Variants in MALRD1 observed in about 807,000 individuals in gnomAD.
The protein encoded by MALRD1 is MAM and LDL-receptor class A domain-containing protein 1.
Under a neutral mutation model 242.1 loss-of-function variants are expected in MALRD1, and 247 were observed. The ratio of observed to expected loss-of-function variants is 1.02; its 90% confidence interval spans 0.92 to 1.13. The LOEUF is 1.13. Ranked by LOEUF, MALRD1 falls within the 50% of genes most tolerant of loss-of-function variation. The probability of loss-of-function intolerance (pLI) is 0.00; values close to 1 mark genes in which losing one functional copy is unlikely to be tolerated. For synonymous variants in MALRD1, 995 were observed against 866.6 expected, an observed-to-expected ratio of 1.15 and a Z score of -2.60; for missense variants, 2,989 against 2,533.1, an observed-to-expected ratio of 1.18 and a Z score of -3.86.
intron 36 of MALRD1, among the ~76,000 whole-genome samples, chr10:19,684,250 C>T (rs1460142886): frequency 3.9e-5 from 6 of 152,180 alleles, no homozygotes; most frequent in Non-Finnish European, 8.8e-5. Flanking sequence ...ACTTCATCTT[C>T]TCCACTGTGA....
chr10:19,047,868 A>G (rs546288889), upstream of MALRD1, among the ~76,000 whole-genome samples: 3 of 152,300 alleles, frequency 2.0e-5, no homozygotes, highest in African/African-American at 4.8e-5. Context: ...TCCACTCTAC[A>G]TTCTCCGGTT....
chr10:19,099,042 C>G (rs926017816), intron 4 of MALRD1, among the ~76,000 whole-genome samples: 1 of 152,142 alleles, frequency 6.6e-6, no homozygotes, highest in Non-Finnish European at 1.5e-5. Context: ...AATGGGTTCT[C>G]TAACTGGCTG....
chr10:19,138,919 T>C (rs1833447757), intron 10 of MALRD1, among the ~76,000 whole-genome samples: 1 of 152,232 alleles, frequency 6.6e-6, no homozygotes, highest in African/African-American at 2.4e-5. Context: ...TTTCTTTGGG[T>C]GAATGCAGGA....
chr10:19,326,263 A>C (rs1216408344), intron 22 of MALRD1, among the ~76,000 whole-genome samples: 1 of 152,086 alleles, frequency 6.6e-6, no homozygotes, highest in African/African-American at 2.4e-5. Flanking sequence ...ATTTGCCTGG[A>C]ATATTGTGGG....
At chr10:19,291,772 A>G (rs1291244176) in intron 21 of MALRD1, among the ~76,000 whole-genome samples, 1 of 151,526 alleles carries the variant, frequency 6.6e-6, no homozygotes, top group Admixed American at 6.6e-5. Context: ...AATTGCTCTA[A>G]GGTCCTTCCA....
At chr10:19,472,576 T>G (rs1371862926) in intron 29 of MALRD1, among the ~76,000 whole-genome samples, 3 of 151,948 alleles carry the variant, frequency 2.0e-5, no homozygotes, top group Non-Finnish European at 4.4e-5. Flanking sequence ...ATTCAATCTC[T>G]TTACTCATTA....
chr10:19,227,143 A>C (rs1837833936), intron 18 of MALRD1, among the ~76,000 whole-genome samples: 1 of 151,984 alleles, frequency 6.6e-6, no homozygotes, highest in Admixed American at 6.6e-5. Flanking sequence ...GAAATTACAA[A>C]GCTGATTCTA....
At chr10:19,298,329 A>T (rs1039563365) in intron 21 of MALRD1, among the ~76,000 whole-genome samples, 1 of 151,970 alleles carries the variant, frequency 6.6e-6, no homozygotes, top group Non-Finnish European at 1.5e-5. Flanking sequence ...AGCGCCCATG[A>T]CCCAAATATC....
intron 24 of MALRD1, among the ~76,000 whole-genome samples, chr10:19,342,334 T>C (rs568621126): frequency 1.9e-3 from 285 of 152,270 alleles, no homozygotes; most frequent in African/African-American, 6.7e-3. Flanking sequence ...TAATTAACAC[T>C]CACATTATCT....
At chr10:19,207,488 TA>T (rs1309232474) in intron 17 of MALRD1, among the ~76,000 whole-genome samples, 9 of 152,088 alleles carry the variant, frequency 5.9e-5, no homozygotes, top group African/African-American at 2.2e-4. Flanking sequence ...ATACCTATGA[TA>T]AAGATTTTTG....
chr10:19,313,991 T>C (rs1036230032), intron 21 of MALRD1, among the ~76,000 whole-genome samples: 2 of 151,584 alleles, frequency 1.3e-5, no homozygotes, highest in African/African-American at 4.8e-5. Flanking sequence ...GATAAAATTG[T>C]AAGTGTATTT....
At chr10:19,251,725 A>G (rs574458127) in intron 18 of MALRD1, among the ~76,000 whole-genome samples, 43 of 152,156 alleles carry the variant, frequency 2.8e-4, no homozygotes, top group African/African-American at 9.1e-4. Flanking sequence ...AATTGAAAGA[A>G]GTAGGTGATA....
intron 29 of MALRD1, among the ~76,000 whole-genome samples, chr10:19,477,149 G>T (rs1010857517): frequency 6.6e-6 from 1 of 151,986 alleles, no homozygotes; most frequent in Non-Finnish European, 1.5e-5. Flanking sequence ...AATATTAATA[G>T]AATTTTAATC....
intron 14 of MALRD1, among the ~76,000 whole-genome samples, chr10:19,178,163 T>A (rs528621703): frequency 2.0e-5 from 3 of 152,308 alleles, no homozygotes; most frequent in East Asian, 1.9e-4. Flanking sequence ...TCACTCAGGA[T>A]TCATGGATAT....
chr10:19,608,138 C>G (rs952790487), intron 35 of MALRD1, among the ~76,000 whole-genome samples: 9 of 152,088 alleles, frequency 5.9e-5, no homozygotes, highest in Non-Finnish European at 8.8e-5. Flanking sequence ...AAAGAAAAAT[C>G]AAATATGTAA....
chr10:19,683,799 C>A (rs1807136), intron 36 of MALRD1, among the ~76,000 whole-genome samples: 17,032 of 152,066 alleles, frequency 0.11, 1,616 homozygotes, highest in African/African-American at 0.26. Context: ...CTGGGATACA[C>A]GTGCAGAACG....
intron 33 of MALRD1, among the ~76,000 whole-genome samples, chr10:19,592,878 ATACT>A: frequency 6.6e-6 from 1 of 152,208 alleles, no homozygotes; most frequent in Middle Eastern, 3.4e-3. Context: ...GAAAAGGTTA[ATACT>A]TAGCTAAGTC....
intron 28 of MALRD1, among the ~76,000 whole-genome samples, chr10:19,417,947 A>G (rs1012815667): frequency 3.3e-5 from 5 of 152,056 alleles, no homozygotes; most frequent in African/African-American, 1.2e-4. Flanking sequence ...CCTACGGTGC[A>G]CTGGGGTTAC....
At chr10:19,512,310 T>C (rs549777281) in intron 31 of MALRD1, among the ~76,000 whole-genome samples, 1 of 152,288 alleles carries the variant, frequency 6.6e-6, no homozygotes, top group South Asian at 2.1e-4. Context: ...TCTATTGTTA[T>C]GGGCAAAGGC....
Sources: gnomAD v4.1 joint callset for allele counts (sites outside exome capture counted in the v4.1 genomes callset) on GRCh38, gnomAD v4.1.1 for gene constraint, MANE v1.5 for transcripts, NCBI Gene and HGNC (gene_info 2026-07-23, HGNC 2026-07-21) for gene names.